The following DSG3 variants were observed in gnomAD, a reference collection of about 807,000 sequenced individuals.
DSG3 encodes desmoglein-3.
A neutral mutation model predicts 85.9 loss-of-function variants in DSG3; 63 were observed. That is an observed-to-expected ratio of 0.73 (90% CI 0.60 to 0.90). The LOEUF (loss-of-function observed/expected upper bound fraction) is 0.90. DSG3 is among the 40% of genes least tolerant of loss of function. The pLI is 0.00. For synonymous variants in DSG3, 447 were observed against 441.9 expected, an observed-to-expected ratio of 1.01 and a Z score of -0.14; for missense variants, 1,220 against 1,219.9, an observed-to-expected ratio of 1.00 and a Z score of 0.00.
intron 6 of DSG3, 82 bp downstream of exon 6, chr18:31,460,093 C>T (rs111508694): frequency 2.7e-5 from 39 of 1,418,434 alleles, no homozygotes; most frequent in Non-Finnish European, 3.1e-5. Context: ...CCATTTTACC[C>T]GAAAATTAAA....
chr18:31,474,407 A>C lies in DSG3; in HGVS notation c.2385+3A>C, dbSNP rs1222110975. ...TTCTGGACTCCTACTTTTCTCAGGTAATTTGGTGAAAAACTTTGTGGCTTG... is the reference window on the plus strand; with the variant it reads ...TTCTGGACTCCTACTTTTCTCAGGTCATTTGGTGAAAAACTTTGTGGCTTG... On this transcript the variant is annotated splice_donor_region_variant and intron_variant, in intron 15 of 15. Transcript: ENST00000257189. 1 of 1,592,628 alleles carries C rather than the reference A, an allele frequency of 6.3e-7. No individual in the cohort carries two copies. The highest frequency in any genetic ancestry group is 1.7e-5 in the Admixed American group (1 of 57,644).
intron 14 of DSG3, 112 bp downstream of exon 14, chr18:31,472,900 G>T: frequency 1.1e-6 from 1 of 930,224 alleles, no homozygotes; most frequent in South Asian, 1.6e-5. Context: ...GCACATGTCA[G>T]GAGCTGTTAC....
intron 14 of DSG3, among the ~76,000 whole-genome samples, chr18:31,473,047 T>C (rs1018833217): frequency 6.6e-5 from 10 of 152,236 alleles, no homozygotes; most frequent in Admixed American, 2.0e-4. Flanking sequence ...TTCCAAACTT[T>C]AGTGACGTGT....
At position 31,464,353 on chromosome 18, in the gene DSG3, G is replaced by C. The variant is rs1032211670; in HGVS notation, c.1242G>C (p.Glu414Asp). 3 of 1,611,902 alleles carry C rather than the reference G, an allele frequency of 1.9e-6. No individual in the cohort carries two copies. The highest frequency in any genetic ancestry group is 2.5e-6 in the Non-Finnish European group (3 of 1,178,888). ...TGGGAACATATCAAGCCATCGATGAGGACACTAACAAAGCTGCCTCAAATG... is the reference window on the plus strand; with the variant it reads ...TGGGAACATATCAAGCCATCGATGACGACACTAACAAAGCTGCCTCAAATG... ...YILGTYQAID[E>D]DTNKAASNVK... The change falls in exon 9 of 16, where the codon GAG (glutamate) becomes GAC (aspartate). Residue 414 changes from glutamate (E) to aspartate (D), a missense_variant. Transcript: ENST00000257189.
At chr18:31,458,319 G>C in intron 3 of DSG3, 126 bp from the exon 4 acceptor site, 2 of 1,096,458 alleles carry the variant, frequency 1.8e-6, no homozygotes, top group South Asian at 3.5e-5. Context: ...AAGGCAAAAA[G>C]TAAATGGCAC....
chr18:31,454,824 G>A (rs1019355161), intron 1 of DSG3, among the ~76,000 whole-genome samples: 1 of 151,862 alleles, frequency 6.6e-6, no homozygotes, highest in Non-Finnish European at 1.5e-5. Context: ...GTGAAACTCC[G>A]TCTCTGCTAA....
At chr18:31,465,237 A>G (rs1297233935) in intron 9 of DSG3, 81 bp from the exon 10 acceptor site, 3 of 1,013,240 alleles carry the variant, frequency 3.0e-6, no homozygotes, top group Non-Finnish European at 3.9e-6. Flanking sequence ...GAATATACTA[A>G]ATATAAAATG....
intron 5 of DSG3, 80 bp from the exon 6 acceptor site, chr18:31,459,765 T>G: frequency 7.4e-7 from 1 of 1,355,382 alleles, no homozygotes; most frequent in East Asian, 2.4e-5. Flanking sequence ...AGCATCAATG[T>G]GAACTTGTTT....
rs564062094 is a variant in DSG3, at chr18:31,462,402, C to T, written c.999+990C>T. ...TACAGCATTTTGGATTCTATGAGAG[C>T]GTCCTTATTTAAACCTTAAATCCAG... On this transcript the variant is annotated intron_variant, in intron 8 of 15. Coordinates refer to ENST00000257189, the MANE Select transcript of DSG3 (RefSeq NM_001944.3). Among the ~76,000 whole-genome samples the T allele has an allele frequency of 7.9e-5, 12 of 152,270 alleles. No individual in the cohort carries two copies. In the South Asian group the frequency reaches 8.3e-4, roughly 11 times the overall value.
At chr18:31,471,093 G>A (rs1234104919) in intron 12 of DSG3, among the ~76,000 whole-genome samples, 1 of 152,168 alleles carries the variant, frequency 6.6e-6, no homozygotes, top group Non-Finnish European at 1.5e-5. Flanking sequence ...ACACTTAAGA[G>A]GTCATTGTAA....
At chr18:31,463,205 G>A (rs896261659) in intron 8 of DSG3, among the ~76,000 whole-genome samples, 20 of 152,278 alleles carry the variant, frequency 1.3e-4, no homozygotes, top group South Asian at 6.2e-4. Context: ...GCTCTCCTAA[G>A]TAGAATTATT....
chr18:31,469,127 C>G lies in DSG3; in HGVS notation c.1675C>G (p.Pro559Ala). The change falls in exon 12 of 16, where the codon CCT (proline) becomes GCT (alanine). Residue 559 changes from proline to alanine, a missense_variant. Pro to Ala is a conservative substitution (Grantham distance 27). Transcript: ENST00000257189. ...ALLRAQEQIP[P>A]GVYHISLVLT... ...CCTCAGAGCCCAGGAACAGATACCT[C>G]CTGGAGTATACCACATCTCCCTGGT... The G allele has an allele frequency of 6.2e-7, 1 of 1,614,216 alleles. No homozygotes were observed. The highest frequency in any genetic ancestry group is 1.1e-5 in the South Asian group (1 of 91,088).
intron 1 of DSG3, among the ~76,000 whole-genome samples, chr18:31,452,857 G>A (rs1030036910): frequency 6.6e-6 from 1 of 152,096 alleles, no homozygotes; most frequent in Non-Finnish European, 1.5e-5. Flanking sequence ...AGCCTACACA[G>A]CATTTCAAAT....
At chr18:31,467,069 G>T (rs752173651) in intron 11 of DSG3, among the ~76,000 whole-genome samples, 2 of 152,128 alleles carry the variant, frequency 1.3e-5, no homozygotes, top group African/African-American at 4.8e-5. Context: ...GGTGGGGCAC[G>T]GTGGCTCACA....
At chr18:31,454,571 C>T (rs2072730164) in intron 1 of DSG3, among the ~76,000 whole-genome samples, 2 of 152,144 alleles carry the variant, frequency 1.3e-5, no homozygotes, top group Admixed American at 1.3e-4. Flanking sequence ...CATTATAACC[C>T]TAGAAAATAA....
rs867217925 is a variant in DSG3, at chr18:31,474,244, T to C, written c.2225T>C (p.Val742Ala). 2 of 1,614,138 alleles carry C rather than the reference T, an allele frequency of 1.2e-6. No homozygotes were observed. Among genetic ancestry groups the C allele is most frequent in the African/African-American group, 1.3e-5 (1 of 75,030 alleles). The change falls in exon 15 of 16, where the codon GTG (valine) becomes GCG (alanine). Residue 742 changes from valine (V) to alanine (A), a missense_variant. By Grantham distance (64) the Val-to-Ala change is moderately conservative. Transcript: ENST00000257189. ...GCTGCAGGCTTTGCAACAGGGACAG[T>C]GTCAGGAGCTGCTTCAGGATTCGGA... ...GGAAGFATGT[V>A]SGAASGFGAA...
intron 3 of DSG3, among the ~76,000 whole-genome samples, chr18:31,457,589 T>C (rs868039470): frequency 0.01 from 367 of 36,350 alleles, 2 homozygotes; most frequent in Non-Finnish European, 0.016. Context: ...TTCTTTCTTC[T>C]TTCTTTCTTT....
chr18:31,475,849 T>A lies in DSG3; in HGVS notation c.2589T>A (p.Val863=). 6.2e-7 allele frequency: 1 copy of A among 1,614,214 alleles called. No individual in the cohort carries two copies. The highest frequency in any genetic ancestry group is 1.7e-5 in the Admixed American group (1 of 60,026). The change falls in exon 16 of 16, where the codon GTT becomes GTA. Residue 863 remains valine, a synonymous_variant. Coordinates refer to ENST00000257189, the MANE Select transcript of DSG3 (RefSeq NM_001944.3). ...FKKLAEISLG[V]DGEGKEVQPP... ...AACTTGCAGAGATAAGCCTTGGTGTTGATGGTGAAGGCAAAGAAGTTCAGC... is the reference window on the plus strand; with the variant it reads ...AACTTGCAGAGATAAGCCTTGGTGTAGATGGTGAAGGCAAAGAAGTTCAGC...
At position 31,472,342 on chromosome 18, in the gene DSG3, A is replaced by G. The variant is rs1385374793; in HGVS notation, c.1956A>G (p.Thr652=). 1 of 1,614,140 alleles carries G rather than the reference A, an allele frequency of 6.2e-7. No homozygotes were observed. Among genetic ancestry groups the G allele is most frequent in the Admixed American group, 1.7e-5 (1 of 60,002 alleles). The change falls in exon 13 of 16, where the codon ACA becomes ACG. Residue 652 remains threonine, a synonymous_variant. Transcript: ENST00000257189. The part of the protein sequence containing the change: ...DCGAGSTGGV[T]GGFIPVPDGS... ...GGGCAGGTTCTACTGGGGGAGTGAC[A>G]GGTGGTTTTATCCCAGTTCCTGATG...
Sources: gnomAD v4.1 joint callset for allele counts (sites outside exome capture counted in the v4.1 genomes callset) on GRCh38, gnomAD v4.1.1 for gene constraint, MANE v1.5 for transcripts, NCBI Gene and HGNC (gene_info 2026-07-23, HGNC 2026-07-21) for gene names.